The following NEBL variants were observed in gnomAD, a reference collection of about 807,000 sequenced individuals.
NEBL encodes LIM and SH3 protein 2.
In NEBL, 122 loss-of-function variants were observed where a neutral mutation model predicts 140.2. That is an observed-to-expected ratio of 0.87 (90% confidence interval 0.75 to 1.01). The LOEUF is 1.01. Ranked by LOEUF, NEBL falls within the 50% of genes least tolerant of loss-of-function variation. The pLI is 0.00. For synonymous variants in NEBL, 436 were observed against 398.9 expected (o/e 1.09, Z -1.11); for missense variants, 1,365 against 1,231.3 (o/e 1.11, Z -1.62).
upstream of NEBL, among the ~76,000 whole-genome samples, chr10:21,176,086 T>C (rs1325899239): frequency 1.3e-5 from 2 of 151,932 alleles, no homozygotes; most frequent in Non-Finnish European, 2.9e-5. Context: ...AGTGGCAGCC[T>C]CGACCTCCCA....
At chr10:21,074,478 T>C (rs1305891770) in intron 2 of NEBL, among the ~76,000 whole-genome samples, 1 of 138,792 alleles carries the variant, frequency 7.2e-6, no homozygotes, top group Non-Finnish European at 1.5e-5. Flanking sequence ...TTTCTGAATT[T>C]TTTTCTTTTT....
intron 1 of NEBL, among the ~76,000 whole-genome samples, chr10:21,270,089 C>T (rs1233598772): frequency 1.3e-5 from 2 of 152,174 alleles, no homozygotes; most frequent in African/African-American, 2.4e-5. Context: ...TTAACCACAA[C>T]TGTACTTGTA....
rs191069929 is a variant in NEBL, at chr10:21,196,219, G to A, written n.349-23742C>T. Among the ~76,000 whole-genome samples the A allele has an allele frequency of 4.3e-3, 648 of 152,118 alleles. 17 individuals carry two copies. The highest frequency in any genetic ancestry group is 8.9e-3 in the East Asian group (46 of 5,174). ...GGGTTTCACCATGTTGGTCAGGCTG[G>A]TCTCGAACTCCTGACCTCGTGATCT... On this transcript the variant is annotated intron_variant and non_coding_transcript_variant, in intron 3 of 8. Transcript: ENST00000675702.
chr10:20,946,306 CTA>C (rs1157054038), intron 4 of NEBL, among the ~76,000 whole-genome samples: 1 of 152,168 alleles, frequency 6.6e-6, no homozygotes, highest in East Asian at 1.9e-4. Flanking sequence ...CTATGAAAAT[CTA>C]TGTTTTCAAG....
At chr10:20,973,403 A>T (rs531256412) in intron 3 of NEBL, among the ~76,000 whole-genome samples, 16 of 151,948 alleles carry the variant, frequency 1.1e-4, no homozygotes, top group Middle Eastern at 3.4e-3. Context: ...ATGAGCAACC[A>T]TGTCCAGCTA....
chr10:20,853,184 T>G (rs564505815), intron 9 of NEBL, among the ~76,000 whole-genome samples: 31 of 152,246 alleles, frequency 2.0e-4, no homozygotes, highest in African/African-American at 7.2e-4. Context: ...CTATTGTTCC[T>G]AAAAGGAAAG....
At chr10:20,913,442 G>T (rs1848413338) in intron 4 of NEBL, among the ~76,000 whole-genome samples, 1 of 152,096 alleles carries the variant, frequency 6.6e-6, no homozygotes, top group African/African-American at 2.4e-5. Flanking sequence ...TTCATTAAAA[G>T]TACTTATTAA....
chr10:21,208,326 A>G (rs989450044), intron 3 of NEBL, among the ~76,000 whole-genome samples: 6 of 152,156 alleles, frequency 3.9e-5, no homozygotes, highest in African/African-American at 1.4e-4. Flanking sequence ...AATGTCTCAT[A>G]ATGTGCAAGT....
chr10:21,172,225 A>C (rs1209747420), intron 2 of NEBL: 4 of 674,532 alleles, frequency 5.9e-6, no homozygotes, highest in African/African-American at 1.8e-5. Flanking sequence ...AGTGATCGTC[A>C]ACAAAGTACA....
At chr10:21,096,422 A>G (rs1837186936) in intron 2 of NEBL, among the ~76,000 whole-genome samples, 1 of 152,138 alleles carries the variant, frequency 6.6e-6, no homozygotes, top group Non-Finnish European at 1.5e-5. Flanking sequence ...AAGCCCTTTT[A>G]TTAAAGAGTT....
chr10:21,180,185 C>T (rs569523448), intron 3 of NEBL, among the ~76,000 whole-genome samples: 4 of 152,060 alleles, frequency 2.6e-5, no homozygotes, highest in Admixed American at 6.6e-5. Flanking sequence ...ATTATCTCCC[C>T]GAGCCTCCTG....
At chr10:21,150,209 C>G (rs922341479) in intron 2 of NEBL, among the ~76,000 whole-genome samples, 6 of 152,182 alleles carry the variant, frequency 3.9e-5, no homozygotes, top group African/African-American at 1.4e-4. Context: ...ATATTTTTCT[C>G]TACTTCCATA....
chr10:21,269,212 G>A (rs1842832850), intron 1 of NEBL, among the ~76,000 whole-genome samples: 1 of 152,148 alleles, frequency 6.6e-6, no homozygotes. Context: ...GGCCTTCTGA[G>A]TCCTCTAAGA....
At chr10:20,921,794 CAT>C (rs58878956) in intron 4 of NEBL, among the ~76,000 whole-genome samples, 5 of 151,748 alleles carry the variant, frequency 3.3e-5, no homozygotes, top group African/African-American at 1.2e-4. Flanking sequence ...CACACACACA[CAT>C]ATGTATACAC....
intron 3 of NEBL, among the ~76,000 whole-genome samples, chr10:21,215,991 C>G (rs537061641): frequency 7.9e-5 from 12 of 152,266 alleles, no homozygotes; most frequent in Admixed American, 7.9e-4. Context: ...GTTTCCAGCT[C>G]TACTTGTTCC....
At chr10:20,868,604 G>T in intron 7 of NEBL, 60 bp downstream of exon 7, 1 of 1,111,316 alleles carries the variant, frequency 9.0e-7, no homozygotes, top group Non-Finnish European at 1.4e-6. Context: ...ATATTCTCCT[G>T]TGCTGTTAGA....
chr10:21,190,427 T>C (rs1319521389), intron 3 of NEBL, among the ~76,000 whole-genome samples: 1 of 152,096 alleles, frequency 6.6e-6, no homozygotes, highest in Non-Finnish European at 1.5e-5. Flanking sequence ...GAGGCTACAT[T>C]GAGCTATGAT....
intron 3 of NEBL, among the ~76,000 whole-genome samples, chr10:20,889,339 T>C (rs16921227): frequency 0.049 from 7,485 of 152,248 alleles, 574 homozygotes; most frequent in African/African-American, 0.16. Context: ...TATTCCTCAG[T>C]CTGTGATTTT....
intron 3 of NEBL, among the ~76,000 whole-genome samples, chr10:21,009,510 C>T (rs1838256062): frequency 6.6e-6 from 1 of 152,134 alleles, no homozygotes; most frequent in South Asian, 2.1e-4. Context: ...ATCATCCTGA[C>T]CCTTGACTTC....
Sources: gnomAD v4.1 joint callset for allele counts (sites outside exome capture counted in the v4.1 genomes callset) on GRCh38, gnomAD v4.1.1 for gene constraint, MANE v1.5 for transcripts, NCBI Gene and HGNC (gene_info 2026-07-23, HGNC 2026-07-21) for gene names.